The following OPHN1 variants were observed in gnomAD, a reference collection of about 807,000 sequenced individuals.
OPHN1 encodes the protein oligophrenin 1.
OPHN1 carries 11 observed loss-of-function variants against 60.7 expected under a neutral mutation model. The ratio of observed to expected loss-of-function variants is 0.18; its 90% confidence interval spans 0.11 to 0.30. The LOEUF is 0.30. Among genes scored for constraint, OPHN1 ranks in the 10% least tolerant of loss-of-function variants. The pLI is 1.00. For synonymous variants in OPHN1, 226 were observed against 222.6 expected (o/e 1.02, Z -0.14); for missense variants, 449 against 611.0 (o/e 0.73, Z 2.80).
At chrX:68,083,476 G>C (rs184545319) in intron 19 of OPHN1, among the ~76,000 whole-genome samples, 76 of 112,243 alleles carry the variant, frequency 6.8e-4, no homozygotes, top group Admixed American at 3.3e-3. Flanking sequence ...TTTGGCTTAA[G>C]GGAATGTTGT....
In OPHN1 at chrX:68,433,371, G is replaced by A; in HGVS notation, c.-208C>T. On this transcript the variant is annotated 5_prime_UTR_variant, in exon 1 of 25. Transcript: ENST00000355520. ...CCGACTTGCCTCCGGAGACGGGCCG[G>A]ATCCTTCCTGAGCAATTGCAAACGT... 1 of 300,582 alleles carries A rather than the reference G, an allele frequency of 3.3e-6. No homozygotes were observed. Among genetic ancestry groups the A allele is most frequent in the Non-Finnish European group, 5.8e-6 (1 of 172,351 alleles). 24.8% of individuals were successfully genotyped at this position (300,582 alleles called of 1,213,427 possible).
At chrX:68,188,607 C>T (rs769559162) in intron 15 of OPHN1, among the ~76,000 whole-genome samples, 2 of 111,892 alleles carry the variant, frequency 1.8e-5, no homozygotes, top group Non-Finnish European at 1.9e-5. Flanking sequence ...ATCAGAAAAA[C>T]GGTTAACATA....
rs1241369837 is a variant in OPHN1 at position 68,167,214 on chromosome X, C to A, written c.1276+25705G>T. Among the ~76,000 whole-genome samples, 3 of 111,433 alleles carry A rather than the reference C, an allele frequency of 2.7e-5. No homozygotes were observed. The Admixed American group carries it at 2.9e-4, about 11-fold the overall frequency. The stretch of plus-strand genomic sequence containing the variant: ...AAAGTCTAATAATGAACAGACATTT[C>A]TCAAAAGAAGACAAATGGGTATATG... On this transcript the variant is annotated intron_variant, in intron 15 of 24. Coordinates refer to ENST00000355520, the MANE Select transcript of OPHN1 (RefSeq NM_002547.3).
chrX:68,231,146 G>GACC (rs1289225929), intron 6 of OPHN1, among the ~76,000 whole-genome samples: 3 of 111,389 alleles, frequency 2.7e-5, no homozygotes, highest in Non-Finnish European at 5.7e-5. Context: ...AGTCAAATAA[G>GACC]CCAGGCACAA....
At chrX:68,105,892 A>T (rs1486710920) in intron 18 of OPHN1, among the ~76,000 whole-genome samples, 1 of 110,964 alleles carries the variant, frequency 9.0e-6, no homozygotes, top group Non-Finnish European at 1.9e-5. Context: ...TGAATACCAG[A>T]TTGGACAAAC....
intron 2 of OPHN1, among the ~76,000 whole-genome samples, chrX:68,416,063 TATATAGAGAGAGAGAGAGAG>T (rs1371935738): frequency 3.2e-3 from 20 of 6,326 alleles, no homozygotes; most frequent in African/African-American, 4.9e-3. Flanking sequence ...TATATATATA[TATATAGAGAGAGAGAGAGAG>T]AGAGAGAGAG....
intron 2 of OPHN1, among the ~76,000 whole-genome samples, chrX:68,393,899 T>TTTTTTG (rs2078668282): frequency 1.4e-5 from 1 of 72,236 alleles, no homozygotes; most frequent in Non-Finnish European, 2.7e-5. Flanking sequence ...TTTTTTTTTT[T>TTTTTTG]TTTTTTTTTT....
chrX:68,333,907 TTG>T (rs200194218), intron 2 of OPHN1, among the ~76,000 whole-genome samples: 6,388 of 91,547 alleles, frequency 0.07, 574 homozygotes, highest in African/African-American at 0.29. Flanking sequence ...TTTTTTTTTT[TTG>T]GGTTGGGGGA....
chrX:68,066,184 TC>T (rs1238845113), intron 20 of OPHN1, among the ~76,000 whole-genome samples: 2 of 112,327 alleles, frequency 1.8e-5, no homozygotes, highest in African/African-American at 6.5e-5. Context: ...GCACATCTAC[TC>T]TCTCCAAACA....
rs776970655 is a variant in OPHN1 at position 68,113,283 on chromosome X, C to T, written c.1362-44G>A. 4.9e-5 allele frequency: 52 copies of T among 1,062,490 alleles called. No homozygotes were observed. The Admixed American group carries it at 8.6e-4, about 18-fold the overall frequency. 87.6% of individuals were successfully genotyped at this position (1,062,490 alleles called of 1,213,427 possible). A position where few individuals can be genotyped will look rare whatever the true frequency, so the allele number is the denominator to read the frequency against. The stretch of plus-strand genomic sequence containing the variant: ...GTCAGTTGCTTTGGGAAGAAAGCAG[C>T]TGGGTATTGGATTCTTAGTTCTGGG... On this transcript the variant is annotated intron_variant, in intron 16 of 24. Coordinates refer to ENST00000355520, the MANE Select transcript of OPHN1 (RefSeq NM_002547.3).
At chrX:68,342,105 G>A (rs111613614) in intron 2 of OPHN1, among the ~76,000 whole-genome samples, 24,032 of 105,673 alleles carry the variant, frequency 0.23, 2,818 homozygotes, top group African/African-American at 0.43. Context: ...GAATAGCTGG[G>A]ACCACAGGTG....
At chrX:68,232,815 A>G (rs2077734602) in intron 6 of OPHN1, among the ~76,000 whole-genome samples, 2 of 111,478 alleles carry the variant, frequency 1.8e-5, no homozygotes, top group South Asian at 3.8e-4. Context: ...ATAGAAAAGG[A>G]AAAAAACAAA....
intron 15 of OPHN1, among the ~76,000 whole-genome samples, chrX:68,128,637 T>C (rs894625340): frequency 3.6e-5 from 4 of 112,052 alleles, no homozygotes; most frequent in African/African-American, 1.3e-4. Flanking sequence ...ATATTGCATG[T>C]TGTCAACTTC....
chrX:68,073,378 CTTG>C, intron 19 of OPHN1, 79 bp from the exon 20 acceptor site: 1 of 888,650 alleles, frequency 1.1e-6, no homozygotes, highest in Non-Finnish European at 1.6e-6. Context: ...CCAGTTGATG[CTTG>C]TTGGCCTTAT....
chrX:68,250,055 A>C, intron 5 of OPHN1, among the ~76,000 whole-genome samples: 1 of 112,270 alleles, frequency 8.9e-6, no homozygotes. Flanking sequence ...CAGTTCAGCA[A>C]CTTCTCAGAC....
At chrX:68,166,096 A>G (rs1417198272) in intron 15 of OPHN1, among the ~76,000 whole-genome samples, 2 of 112,499 alleles carry the variant, frequency 1.8e-5, no homozygotes, top group African/African-American at 6.5e-5. Context: ...GAAGATTTAA[A>G]TTTTTACAAG....
chrX:68,424,820 T>C (rs929405772), intron 2 of OPHN1, among the ~76,000 whole-genome samples: 3 of 111,918 alleles, frequency 2.7e-5, no homozygotes, highest in Non-Finnish European at 3.8e-5. Context: ...TTTTCAATCC[T>C]AGTTCCCACA....
intron 15 of OPHN1, among the ~76,000 whole-genome samples, chrX:68,176,489 C>A (rs894567111): frequency 9.0e-6 from 1 of 111,571 alleles, no homozygotes; most frequent in South Asian, 3.8e-4. Context: ...CACCTCACAC[C>A]CATTAGAATG....
At chrX:68,167,736 T>C (rs770483392) in intron 15 of OPHN1, among the ~76,000 whole-genome samples, 220 of 102,373 alleles carry the variant, frequency 2.1e-3, no homozygotes, top group African/African-American at 7.4e-3. Flanking sequence ...TATATATATA[T>C]ACACCCAAAA....
Sources: gnomAD v4.1 joint callset for allele counts (sites outside exome capture counted in the v4.1 genomes callset) on GRCh38, gnomAD v4.1.1 for gene constraint, MANE v1.5 for transcripts, NCBI Gene and HGNC (gene_info 2026-07-23, HGNC 2026-07-21) for gene names.